Variants in MTPAP observed in about 807,000 individuals in gnomAD.
The protein encoded by MTPAP is poly(A) RNA polymerase, mitochondrial.
MTPAP carries 23 observed loss-of-function variants against 48.7 expected under a neutral mutation model. That is an observed-to-expected ratio of 0.47 (90% CI 0.34 to 0.67). MTPAP has a LOEUF of 0.67. Among genes scored for constraint, MTPAP ranks in the 30% least tolerant of loss-of-function variants. The pLI is 0.01. For missense variants in MTPAP, 614 were observed against 694.3 expected, an observed-to-expected ratio of 0.88 and a Z score of 1.30; for synonymous variants, 257 against 254.1, an observed-to-expected ratio of 1.01 and a Z score of -0.11.
Position 30,341,600 on chromosome 10 carries a change from C to A in MTPAP, c.198G>T (p.Met66Ile). 1 of 1,614,132 alleles carries A rather than the reference C, an allele frequency of 6.2e-7. No individual in the cohort carries two copies. The highest frequency in any genetic ancestry group is 8.5e-7 in the Non-Finnish European group (1 of 1,180,014). ...DKIPKRRFSE[M>I]QNERREQAQR... ...GTGCCTGTTCTCGTCTTTCATTTTG[C>A]ATCTCAGAGAATCTCCTTTTGGGAA... is the stretch of plus-strand genomic sequence containing the variant. The change falls in exon 2 of 9, where the codon ATG becomes ATT. Residue 66 changes from methionine to isoleucine, a missense_variant. Met to Ile is a conservative substitution (Grantham distance 10). Transcript: ENST00000263063.
At chr10:30,339,904 G>T in intron 3 of MTPAP, 1 of 353,926 alleles carries the variant, frequency 2.8e-6, no homozygotes, top group Non-Finnish European at 5.3e-6. Context: ...GACATTAGGA[G>T]GGGAAAGAAA....
chr10:30,339,161 G>A (rs1052796206), intron 3 of MTPAP, among the ~76,000 whole-genome samples: 2 of 151,182 alleles, frequency 1.3e-5, no homozygotes, highest in African/African-American at 2.4e-5. Flanking sequence ...AAAACACCAA[G>A]ACAAATACAA....
Position 30,316,111 on chromosome 10 carries a change from CACTT to C in MTPAP, c.1312+3_1312+6del. The C allele has an allele frequency of 6.2e-7, 1 of 1,611,438 alleles. No individual in the cohort carries two copies. Among genetic ancestry groups the C allele is most frequent in the Non-Finnish European group, 8.5e-7 (1 of 1,177,600 alleles). ...AGAAAGGATCAAGTAAACAGAAAGA[CACTT>C]ACCTAATGTTTCTGTGTTCTGTGAA... On this transcript the variant is annotated splice_donor_5th_base_variant and intron_variant, in intron 7 of 8. Coordinates refer to ENST00000263063, the MANE Select transcript of MTPAP (RefSeq NM_018109.4).
At chr10:30,329,655 G>C (rs1054301138) in intron 4 of MTPAP, among the ~76,000 whole-genome samples, 3 of 151,880 alleles carry the variant, frequency 2.0e-5, no homozygotes. Flanking sequence ...AAGCTAACTC[G>C]TGTTATTTCT....
rs1220908381 is a variant in MTPAP at position 30,311,198 on chromosome 10, C to A, written c.*2411G>T. 3 of 152,062 alleles carry A rather than the reference C, an allele frequency of 2.0e-5. No homozygotes were observed. The East Asian group carries it at 5.8e-4, about 29-fold the overall frequency. The allele number at this position is 152,062 out of a possible 1,614,324, so 9.4% of individuals were successfully genotyped here. On this transcript the variant is annotated 3_prime_UTR_variant, in exon 9 of 9. Coordinates refer to ENST00000263063, the MANE Select transcript of MTPAP (RefSeq NM_018109.4). ...AAATCAATATGGATTTCTAGCCCAA[C>A]AAAATAAAGAACAAATGAAAAATGG...
Position 30,341,530 on chromosome 10 carries a change from T to G in MTPAP, c.268A>C (p.Lys90Gln). The G allele has an allele frequency of 6.2e-7, 1 of 1,614,032 alleles. No individual in the cohort carries two copies. The highest frequency in any genetic ancestry group is 8.5e-7 in the Non-Finnish European group (1 of 1,179,936). The change falls in exon 2 of 9, where the codon AAG becomes CAG. Residue 90 changes from lysine (K) to glutamine (Q), a missense_variant. By Grantham distance (53) the Lys-to-Gln change is moderately conservative. Around this residue, in one of 5 missense-constraint regions of MTPAP, gnomAD observed 125 missense variants for 111.5 expected, o/e 1.12. Coordinates refer to ENST00000263063, the MANE Select transcript of MTPAP (RefSeq NM_018109.4). ...AATTGGGATAAATATTTAAGAAACT[T>G]GTTTTCACTGATTTTCTCTGGGCAA... is the stretch of plus-strand genomic sequence containing the variant. Reference protein sequence around the residue: ...IHCPEKISENKFLKYLSQFGP... With the variant: ...IHCPEKISENQFLKYLSQFGP...
rs1437457024 is a variant in MTPAP, at chr10:30,312,961, A to T, written c.*648T>A. ...TGACTGAAATGTCTGTTCTAAAAACATAAACATTTTTTGATATCAGTACCA... is the reference window on the plus strand; with the variant it reads ...TGACTGAAATGTCTGTTCTAAAAACTTAAACATTTTTTGATATCAGTACCA... On this transcript the variant is annotated 3_prime_UTR_variant, in exon 9 of 9. Transcript: ENST00000263063. The T allele has an allele frequency of 6.6e-6, 1 of 152,352 alleles. No individual in the cohort carries two copies. The highest frequency in any genetic ancestry group is 1.5e-5 in the Non-Finnish European group (1 of 68,126). 9.4% of individuals were successfully genotyped at this position (152,352 alleles called of 1,614,324 possible).
chr10:30,343,787 T>C (rs1346301538), intron 1 of MTPAP, among the ~76,000 whole-genome samples: 1 of 152,182 alleles, frequency 6.6e-6, no homozygotes, highest in Non-Finnish European at 1.5e-5. Flanking sequence ...AGGCTGGTCT[T>C]GAACTGCTGA....
At chr10:30,320,562 G>A (rs1235821467) in intron 6 of MTPAP, among the ~76,000 whole-genome samples, 1 of 151,922 alleles carries the variant, frequency 6.6e-6, no homozygotes, top group East Asian at 1.9e-4. Context: ...AAAAAATAGT[G>A]ACCATTTTTA....
intron 1 of MTPAP, chr10:30,348,848 G>C (rs567922798): frequency 1.9e-6 from 1 of 515,010 alleles, no homozygotes; most frequent in East Asian, 3.3e-5. Flanking sequence ...AGCAAACTGG[G>C]TTCCTGACCT....
intron 3 of MTPAP, chr10:30,339,931 T>C (rs1834778497): frequency 2.4e-6 from 1 of 422,162 alleles, no homozygotes; most frequent in African/African-American, 2.0e-5. Flanking sequence ...TTAGGAACCA[T>C]ATACAATCTC....
At chr10:30,324,614 G>A (rs893439085) in intron 5 of MTPAP, among the ~76,000 whole-genome samples, 1 of 151,972 alleles carries the variant, frequency 6.6e-6, no homozygotes, top group Non-Finnish European at 1.5e-5. Flanking sequence ...TGATCAAAAC[G>A]TGTCTTGTAA....
chr10:30,332,434 T>G (rs921223264), intron 4 of MTPAP, among the ~76,000 whole-genome samples: 1 of 151,940 alleles, frequency 6.6e-6, no homozygotes, highest in South Asian at 2.1e-4. Context: ...GCTGGGATTA[T>G]AGGCTCCCAC....
Position 30,313,412 on chromosome 10 carries a change from G to A in MTPAP, c.*197C>T. ...ACTCCACAGCTGATGTTTTAATAAA[G>A]TGCCACTGAGTATCAGACTGATCAA... On this transcript the variant is annotated 3_prime_UTR_variant, in exon 9 of 9. Transcript: ENST00000263063. The A allele has an allele frequency of 3.0e-6, 2 of 676,798 alleles. No individual in the cohort carries two copies. The highest frequency in any genetic ancestry group is 1.8e-5 in the South Asian group (1 of 55,020). 41.9% of individuals were successfully genotyped at this position (676,798 alleles called of 1,614,324 possible).
intron 6 of MTPAP, among the ~76,000 whole-genome samples, chr10:30,317,560 A>T (rs1840676774): frequency 6.6e-6 from 1 of 152,232 alleles, no homozygotes; most frequent in African/African-American, 2.4e-5. Flanking sequence ...TGCAACAGAT[A>T]CTATGCTGTT....
At chr10:30,331,670 G>A (rs1309488199) in intron 4 of MTPAP, among the ~76,000 whole-genome samples, 3 of 152,146 alleles carry the variant, frequency 2.0e-5, no homozygotes, top group Admixed American at 6.5e-5. Flanking sequence ...GGGTTCAAGC[G>A]ATTCTCCTGC....
At chr10:30,316,367 C>T (rs1375974043) in intron 6 of MTPAP, among the ~76,000 whole-genome samples, 157 bp from the exon 7 acceptor site, 7 of 151,734 alleles carry the variant, frequency 4.6e-5, no homozygotes, top group East Asian at 1.9e-4. Flanking sequence ...CTCAGCCTCC[C>T]GGGTAGCTGG....
intron 1 of MTPAP, 70 bp downstream of exon 1, chr10:30,349,049 G>T: frequency 6.2e-7 from 1 of 1,608,038 alleles, no homozygotes; most frequent in East Asian, 2.2e-5. Context: ...CACAGGCCAC[G>T]TGTTTCCCCG....
At chr10:30,321,368 C>CT (rs1425084287) in intron 6 of MTPAP, among the ~76,000 whole-genome samples, 1 of 152,082 alleles carries the variant, frequency 6.6e-6, no homozygotes, top group Non-Finnish European at 1.5e-5. Context: ...ACAAATCAAG[C>CT]TTTTTTTAAG....
Sources: allele counts gnomAD v4.1 joint callset (sites outside exome capture counted in the v4.1 genomes callset), GRCh38; gene constraint gnomAD v4.1.1; regional missense constraint gnomAD v4.1.1; transcripts MANE v1.5; gene names NCBI Gene and HGNC (gene_info 2026-07-23, HGNC 2026-07-21).